Variants in CEP128 observed in about 807,000 individuals in gnomAD.
The protein encoded by CEP128 is centrosomal protein 128kDa.
In CEP128, 132 loss-of-function variants were observed where a neutral mutation model predicts 156.7. The observed-to-expected ratio is 0.84, with a 90% CI of 0.73 to 0.97. The LOEUF (loss-of-function observed/expected upper bound fraction) is 0.97. Ranked by LOEUF, CEP128 falls within the 50% of genes least tolerant of loss-of-function variation. CEP128 has a pLI of 0.00. For missense variants in CEP128, 1,252 were observed against 1,281.9 expected (o/e 0.98, Z 0.36); for synonymous variants, 469 against 448.9 (o/e 1.04, Z -0.57).
intron 19 of CEP128, among the ~76,000 whole-genome samples, chr14:80,598,421 T>G (rs1178634103): frequency 1.3e-5 from 2 of 152,114 alleles, no homozygotes; most frequent in Admixed American, 6.5e-5. Context: ...ACAAAACATG[T>G]AAAGAATTTG....
At chr14:80,668,824 G>A (rs1241546066) in intron 19 of CEP128, among the ~76,000 whole-genome samples, 1 of 152,086 alleles carries the variant, frequency 6.6e-6, no homozygotes, top group Non-Finnish European at 1.5e-5. Context: ...TTGAATCATA[G>A]GGGTGAGCCT....
chr14:80,759,033 A>G lies in CEP128; in HGVS notation c.2554-2082T>C, dbSNP rs114182289. On this transcript the variant is annotated intron_variant, in intron 17 of 24. Transcript: ENST00000555265. The stretch of plus-strand genomic sequence containing the variant: ...CAAGTGTTATGGAAAGAGAGAGACT[A>G]AAATAAGTACAGTGCAGAACTAATC... Among the ~76,000 whole-genome samples the G allele has an allele frequency of 6.1e-3, 922 of 152,306 alleles. 10 individuals are homozygous for G. Among genetic ancestry groups the G allele is most frequent in the African/African-American group, 0.021 (856 of 41,576 alleles).
chr14:80,940,728 C>A (rs1455266377), intron 1 of CEP128, among the ~76,000 whole-genome samples: 1 of 151,438 alleles, frequency 6.6e-6, no homozygotes, highest in Non-Finnish European at 1.5e-5. Flanking sequence ...CCATTGAAAA[C>A]ATTTTTCTAT....
At chr14:80,856,465 C>T (rs567938796) in intron 9 of CEP128, among the ~76,000 whole-genome samples, 4 of 151,896 alleles carry the variant, frequency 2.6e-5, no homozygotes, top group Non-Finnish European at 4.4e-5. Context: ...GGCAACATGG[C>T]GAAACCTGTC....
chr14:80,499,365 A>G (rs1887634900), intron 24 of CEP128, among the ~76,000 whole-genome samples: 1 of 152,220 alleles, frequency 6.6e-6, no homozygotes, highest in African/African-American at 2.4e-5. Flanking sequence ...GAGAATACTA[A>G]CTTTTCTTTT....
intron 19 of CEP128, among the ~76,000 whole-genome samples, chr14:80,662,514 C>G (rs915267812): frequency 6.6e-6 from 1 of 152,242 alleles, no homozygotes; most frequent in South Asian, 2.1e-4. Context: ...ACCTTGTTCA[C>G]TCAACAATAT....
intron 10 of CEP128, among the ~76,000 whole-genome samples, chr14:80,839,093 C>T (rs191102467): frequency 6.0e-4 from 91 of 152,152 alleles, no homozygotes; most frequent in African/African-American, 2.0e-3. Context: ...AGCGAGACTC[C>T]GTCTCAAAAA....
At chr14:80,750,730 A>G (rs1313354619) in intron 18 of CEP128, among the ~76,000 whole-genome samples, 1 of 152,220 alleles carries the variant, frequency 6.6e-6, no homozygotes, top group Non-Finnish European at 1.5e-5. Context: ...TGTCCTAACA[A>G]TAATACTAAT....
intron 19 of CEP128, among the ~76,000 whole-genome samples, chr14:80,708,908 C>T (rs1173979300): frequency 6.6e-6 from 1 of 151,942 alleles, no homozygotes; most frequent in Non-Finnish European, 1.5e-5. Flanking sequence ...GTATATCCAT[C>T]TCCACTGATT....
downstream of CEP128, among the ~76,000 whole-genome samples, chr14:80,495,977 C>T (rs574851052): frequency 3.9e-5 from 6 of 152,120 alleles, no homozygotes; most frequent in Admixed American, 2.6e-4. Flanking sequence ...TCACACCACA[C>T]GGGATACTCC....
In CEP128 at chr14:80,656,313, A is replaced by T. The variant is rs1216501980; in HGVS notation, c.2807-75890T>A. On this transcript the variant is annotated intron_variant, in intron 19 of 24. Transcript: ENST00000555265. ...TATTTATATATATATATATATATATATATATATATATATATATATATATAT... is the reference window on the plus strand; with the variant it reads ...TATTTATATATATATATATATATATTTATATATATATATATATATATATAT... 7.6e-3 allele frequency among the ~76,000 whole-genome samples: 151 copies of T among 19,952 alleles called. 12 individuals are homozygous for T. The highest frequency in any genetic ancestry group is 0.037 in the African/African-American group (145 of 3,892). 13.1% of individuals were successfully genotyped at this position (19,952 alleles called of 152,430 possible).
At chr14:80,702,400 G>C (rs1019707460) in intron 19 of CEP128, among the ~76,000 whole-genome samples, 2 of 152,114 alleles carry the variant, frequency 1.3e-5, no homozygotes, top group Admixed American at 1.3e-4. Flanking sequence ...AGGATTTATT[G>C]TTCCTTGTGT....
chr14:80,889,822 C>A (rs1401281398), intron 8 of CEP128, among the ~76,000 whole-genome samples: 1 of 152,122 alleles, frequency 6.6e-6, no homozygotes, highest in Non-Finnish European at 1.5e-5. Flanking sequence ...AAGAAGTTAT[C>A]ATCAGAGTGA....
At chr14:80,556,395 T>C (rs1890437625) in intron 21 of CEP128, among the ~76,000 whole-genome samples, 1 of 152,342 alleles carries the variant, frequency 6.6e-6, no homozygotes, top group East Asian at 1.9e-4. Context: ...TCTTTCATTC[T>C]ACAAATGTTT....
At chr14:80,672,256 C>A (rs1462442439) in intron 19 of CEP128, among the ~76,000 whole-genome samples, 1 of 151,518 alleles carries the variant, frequency 6.6e-6, no homozygotes, top group African/African-American at 2.4e-5. Flanking sequence ...TCTCTTGTTT[C>A]TCTCTGAAAT....
At chr14:80,954,044 C>A (rs1028245071) in intron 2 of CEP128, among the ~76,000 whole-genome samples, 2 of 151,970 alleles carry the variant, frequency 1.3e-5, no homozygotes, top group Non-Finnish European at 2.9e-5. Flanking sequence ...CCGAGGCGGG[C>A]GGATCACGAG....
intron 9 of CEP128, among the ~76,000 whole-genome samples, chr14:80,847,218 G>T (rs1048941538): frequency 4.6e-5 from 7 of 152,100 alleles, no homozygotes; most frequent in African/African-American, 1.7e-4. Flanking sequence ...TCAAGAAAAA[G>T]ACTAAAGAAG....
At chr14:80,854,280 A>G (rs1346187822) in intron 9 of CEP128, among the ~76,000 whole-genome samples, 1 of 152,170 alleles carries the variant, frequency 6.6e-6, no homozygotes, top group Non-Finnish European at 1.5e-5. Flanking sequence ...TGGAAAAATA[A>G]GATCTACCAA....
intron 16 of CEP128, among the ~76,000 whole-genome samples, chr14:80,771,839 T>C (rs1373400094): frequency 6.6e-6 from 1 of 152,230 alleles, no homozygotes; most frequent in Non-Finnish European, 1.5e-5. Context: ...TTCTTACTGA[T>C]TCTGATCAAT....
Sources: allele counts gnomAD v4.1 joint callset (sites outside exome capture counted in the v4.1 genomes callset), GRCh38; gene constraint gnomAD v4.1.1; transcripts MANE v1.5; gene names NCBI Gene and HGNC (gene_info 2026-07-23, HGNC 2026-07-21).